SNX29: variants seen among roughly 807,000 people sequenced by gnomAD.
The protein encoded by SNX29 is sorting nexin 29.
A neutral mutation model predicts 102.1 loss-of-function variants in SNX29; 78 were observed. The observed-to-expected ratio is 0.76, with a 90% CI of 0.64 to 0.92. SNX29 has a LOEUF of 0.92. Ranked by LOEUF, SNX29 falls within the 40% of genes least tolerant of loss-of-function variation. The pLI, the probability that SNX29 is intolerant of heterozygous loss-of-function variation, is 0.00. For synonymous variants in SNX29, 580 were observed against 414.5 expected, an observed-to-expected ratio of 1.40 and a Z score of -4.85; for missense variants, 1,280 against 1,061.7, an observed-to-expected ratio of 1.21 and a Z score of -2.86.
At chr16:12,522,744 C>T (rs533948528) in intron 19 of SNX29, among the ~76,000 whole-genome samples, 9 of 152,256 alleles carry the variant, frequency 5.9e-5, no homozygotes, top group East Asian at 3.9e-4. Context: ...GTACAGCCTG[C>T]GAAACCATGA....
chr16:12,096,328 A>G lies in SNX29; in HGVS notation c.1402+17413A>G, dbSNP rs909552998. On this transcript the variant is annotated intron_variant, in intron 11 of 20. Coordinates refer to ENST00000566228, the MANE Select transcript of SNX29 (RefSeq NM_032167.5). This position sits in a 1 kb window ranked among gnomAD's most constrained non-coding sequence, Gnocchi z 4.2. ...TTATCATCTGTTTATTCATTCACCA[A>G]ACATTTACCAAACATCTCTCATGTG... Among the ~76,000 whole-genome samples the G allele has an allele frequency of 3.3e-5, 5 of 152,190 alleles. No individual in the cohort carries two copies. The highest frequency in any genetic ancestry group is 1.2e-4 in the African/African-American group (5 of 41,438).
chr16:12,356,079 C>A, intron 15 of SNX29, 84 bp from the exon 16 acceptor site: 2 of 1,293,042 alleles, frequency 1.5e-6, no homozygotes, highest in Non-Finnish European at 2.2e-6. Context: ...TGACAGGTGT[C>A]AGGAAGGAGA....
At chr16:12,279,384 C>G (rs1390687604) in intron 15 of SNX29, among the ~76,000 whole-genome samples, 3 of 152,220 alleles carry the variant, frequency 2.0e-5, no homozygotes, top group African/African-American at 4.8e-5. Context: ...AGCTTGCATT[C>G]TAACTCAGGT....
intron 15 of SNX29, among the ~76,000 whole-genome samples, chr16:12,342,126 G>T (rs1304709095): frequency 6.6e-6 from 1 of 152,154 alleles, no homozygotes; most frequent in Non-Finnish European, 1.5e-5. Flanking sequence ...CACTCTGTTG[G>T]GGGTGGCCTA....
intron 8 of SNX29, among the ~76,000 whole-genome samples, chr16:12,053,833 A>G (rs777113911): frequency 3.3e-5 from 5 of 152,178 alleles, no homozygotes; most frequent in Non-Finnish European, 5.9e-5. Flanking sequence ...TAGCAGCCCT[A>G]TGAGGTTCAT....
At chr16:12,054,549 G>T (rs1459623417) in intron 8 of SNX29, among the ~76,000 whole-genome samples, 1 of 152,236 alleles carries the variant, frequency 6.6e-6, no homozygotes, top group Non-Finnish European at 1.5e-5. Context: ...CTTTCCGCCT[G>T]CTAGCTTCAG....
At chr16:12,472,528 CCAAAAAAAAAAAAAA>C (rs1166510420) in intron 18 of SNX29, among the ~76,000 whole-genome samples, 21 of 111,562 alleles carry the variant, frequency 1.9e-4, no homozygotes, top group South Asian at 3.0e-4. Context: ...CAAAAAAAAA[CCAAAAAAAAAAAAAA>C]CAAAAAAAAA....
chr16:12,434,817 G>T (rs2085464475), intron 18 of SNX29, among the ~76,000 whole-genome samples: 1 of 152,246 alleles, frequency 6.6e-6, no homozygotes, highest in East Asian at 1.9e-4. Flanking sequence ...ACGGGGGGAT[G>T]CCAGGCCTGA....
At position 12,524,650 on chromosome 16, in the gene SNX29, C is replaced by G. The variant is rs774962101; in HGVS notation, c.2179-52C>G. 9.4e-6 allele frequency: 15 copies of G among 1,589,964 alleles called. No homozygotes were observed. The East Asian group carries it at 3.4e-4, about 36-fold the overall frequency. On this transcript the variant is annotated intron_variant, in intron 19 of 20. Coordinates refer to ENST00000566228, the MANE Select transcript of SNX29 (RefSeq NM_032167.5). ...GATCGCCTGTTCTATAGGGTCATTT[C>G]TGACCAGGTGAGGAAGACGTACCAA...
At position 12,010,231 on chromosome 16, in the gene SNX29, G is replaced by T. The variant is rs570978955; in HGVS notation, c.122+7188G>T. On this transcript the variant is annotated intron_variant, in intron 3 of 20. Coordinates refer to ENST00000566228, the MANE Select transcript of SNX29 (RefSeq NM_032167.5). ...ATTATAAGGATATGTAAGGTGTTTT[G>T]ACACTTGGTAGACATTTACCACACA... is the stretch of plus-strand genomic sequence containing the variant. 3.3e-5 allele frequency among the ~76,000 whole-genome samples: 5 copies of T among 152,296 alleles called. No individual in the cohort carries two copies. The South Asian group carries it at 8.3e-4, about 25-fold the overall frequency.
intron 20 of SNX29, among the ~76,000 whole-genome samples, chr16:12,561,860 G>A (rs1345350267): frequency 6.6e-6 from 1 of 152,126 alleles, no homozygotes; most frequent in East Asian, 1.9e-4. Flanking sequence ...AGTGCCCTGG[G>A]GACTTATGGG....
rs547207174 is a variant in SNX29 at position 12,231,038 on chromosome 16, A to G, written c.1678+31355A>G. ...GCTAATTTTAATATTTTTTTATTAC[A>G]GATGGGATTTCACCATGTTGGCCAG... On this transcript the variant is annotated intron_variant, in intron 14 of 20. Transcript: ENST00000566228. Among the ~76,000 whole-genome samples the G allele has an allele frequency of 4.6e-4, 70 of 152,194 alleles. 1 individual carries two copies. Among genetic ancestry groups the G allele is most frequent in the African/African-American group, 1.6e-3 (68 of 41,494 alleles).
At chr16:11,995,828 G>C (rs1458753230) in intron 1 of SNX29, among the ~76,000 whole-genome samples, 2 of 151,998 alleles carry the variant, frequency 1.3e-5, no homozygotes, top group African/African-American at 4.8e-5. Flanking sequence ...TTGGGAGGCC[G>C]AGGTGGGTGG....
At chr16:12,007,662 C>T (rs993869499) in intron 3 of SNX29, among the ~76,000 whole-genome samples, 5 of 152,276 alleles carry the variant, frequency 3.3e-5, no homozygotes, top group South Asian at 4.2e-4. Flanking sequence ...CACTCACTTC[C>T]CTCCAACTCC....
rs535192088 is a variant in SNX29 at position 12,483,119 on chromosome 16, T to G, written c.2178+5260T>G. Among the ~76,000 whole-genome samples, 487 of 100,540 alleles carry G rather than the reference T, an allele frequency of 4.8e-3. 7 individuals are homozygous for G. Among genetic ancestry groups the G allele is most frequent in the African/African-American group, 0.023 (469 of 20,838 alleles). 66.0% of individuals were successfully genotyped at this position (100,540 alleles called of 152,430 possible). On this transcript the variant is annotated intron_variant, in intron 19 of 20. Coordinates refer to ENST00000566228, the MANE Select transcript of SNX29 (RefSeq NM_032167.5). Reference sequence around the variant, plus strand: ...ATACATATTGAAGTTATTAAGTTTTTTTTTTTTTTTTTTTTTTTTTTTTTG... The same window carrying G: ...ATACATATTGAAGTTATTAAGTTTTGTTTTTTTTTTTTTTTTTTTTTTTTG...
intron 19 of SNX29, among the ~76,000 whole-genome samples, chr16:12,517,675 G>T (rs2089925010): frequency 6.6e-6 from 1 of 152,244 alleles, no homozygotes; most frequent in Admixed American, 6.5e-5. Context: ...GACAGATAAG[G>T]TGCCTGCCTT....
intron 13 of SNX29, among the ~76,000 whole-genome samples, chr16:12,152,501 A>G (rs148458585): frequency 2.6e-5 from 4 of 152,302 alleles, no homozygotes; most frequent in East Asian, 1.9e-4. Context: ...ACCCTGCCCT[A>G]TCTTAGCTCT....
At chr16:12,472,978 A>G (rs2087430661) in intron 18 of SNX29, among the ~76,000 whole-genome samples, 1 of 152,122 alleles carries the variant, frequency 6.6e-6, no homozygotes, top group Non-Finnish European at 1.5e-5. Flanking sequence ...GCTTGTTTTA[A>G]AAGGAAACTT....
At chr16:12,072,042 G>C (rs1200551728) in intron 10 of SNX29, among the ~76,000 whole-genome samples, 1 of 152,188 alleles carries the variant, frequency 6.6e-6, no homozygotes, top group Admixed American at 6.5e-5. Flanking sequence ...TGCTGAAGTT[G>C]CTTATCAGCT....
Sources: allele counts gnomAD v4.1 joint callset (sites outside exome capture counted in the v4.1 genomes callset), GRCh38; gene constraint gnomAD v4.1.1; non-coding constraint Gnocchi (gnomAD v3.1); transcripts MANE v1.5; gene names NCBI Gene and HGNC (gene_info 2026-07-23, HGNC 2026-07-21).